Variants in ARHGEF28 observed in about 807,000 individuals in gnomAD.
ARHGEF28 encodes the protein Rho guanine nucleotide exchange factor 28.
A neutral mutation model predicts 206.6 loss-of-function variants in ARHGEF28; 152 were observed. The observed-to-expected ratio is 0.74, with a 90% CI of 0.64 to 0.84. The LOEUF is 0.84. Ranked by LOEUF, ARHGEF28 falls within the 40% of genes least tolerant of loss-of-function variation. The pLI, the probability that ARHGEF28 is intolerant of heterozygous loss-of-function variation, is 0.00. For synonymous variants in ARHGEF28, 763 were observed against 776.4 expected (o/e 0.98, Z 0.29); for missense variants, 2,028 against 2,073.2 (o/e 0.98, Z 0.42).
chr5:73,866,389 C>T (rs1032709842), intron 18 of ARHGEF28, among the ~76,000 whole-genome samples: 2 of 152,134 alleles, frequency 1.3e-5, no homozygotes, highest in Admixed American at 6.5e-5. Context: ...CTAGCAGTAG[C>T]GTAGTATAGC....
chr5:73,903,283 G>C (rs188291163), intron 31 of ARHGEF28: 3 of 152,176 alleles, frequency 2.0e-5, no homozygotes, highest in Non-Finnish European at 4.4e-5. Context: ...CTCCCATAGC[G>C]TAAGGTGTGA....
chr5:73,785,323 G>C (rs1205947171), intron 7 of ARHGEF28, among the ~76,000 whole-genome samples: 1 of 152,028 alleles, frequency 6.6e-6, no homozygotes, highest in Non-Finnish European at 1.5e-5. Context: ...TTTTTTCGCA[G>C]TTCTCAACCT....
At chr5:73,818,061 T>C (rs1244120725) in intron 9 of ARHGEF28, among the ~76,000 whole-genome samples, 1 of 151,796 alleles carries the variant, frequency 6.6e-6, no homozygotes, top group Non-Finnish European at 1.5e-5. Context: ...GAGCACAGGG[T>C]GGTTGGCTTA....
rs554684670 is a variant in ARHGEF28 at position 73,854,335 on chromosome 5, C to T, written c.1790+1643C>T. 3.9e-5 allele frequency among the ~76,000 whole-genome samples: 6 copies of T among 152,244 alleles called. No homozygotes were observed. The South Asian group carries it at 1.2e-3, about 32-fold the overall frequency. On this transcript the variant is annotated intron_variant, in intron 14 of 35. Coordinates refer to ENST00000513042, the MANE Select transcript of ARHGEF28 (RefSeq NM_001177693.2). Reference sequence around the variant, plus strand: ...ATGTAAAAAATGAGCTCACTCTATACCTTGCAGGCTCATTTCAGCAGACAC... The same window carrying T: ...ATGTAAAAAATGAGCTCACTCTATATCTTGCAGGCTCATTTCAGCAGACAC...
At chr5:73,933,933 TC>T (rs66720009) in intron 35 of ARHGEF28, among the ~76,000 whole-genome samples, 2,616 of 141,886 alleles carry the variant, frequency 0.018, 28 homozygotes, top group African/African-American at 0.019. Flanking sequence ...TTTTTTTTTT[TC>T]CCCCTCAGTT....
At chr5:73,905,943 C>A (rs1299387956) in intron 33 of ARHGEF28, among the ~76,000 whole-genome samples, 4 of 152,176 alleles carry the variant, frequency 2.6e-5, no homozygotes, top group Non-Finnish European at 5.9e-5. Flanking sequence ...TGAGACAAAA[C>A]ATTTTTCCCT....
intron 1 of ARHGEF28, among the ~76,000 whole-genome samples, chr5:73,667,288 T>G (rs1746015893): frequency 6.6e-6 from 1 of 152,328 alleles, no homozygotes; most frequent in South Asian, 2.1e-4. Flanking sequence ...TAGAATTTTA[T>G]TTTTAGTTTA....
At chr5:73,865,146 A>G (rs1029420199) in intron 17 of ARHGEF28, among the ~76,000 whole-genome samples, 4 of 152,222 alleles carry the variant, frequency 2.6e-5, no homozygotes, top group African/African-American at 9.6e-5. Flanking sequence ...AGCCCTGGGT[A>G]CCTGCAAATG....
chr5:73,813,907 C>CT (rs1255925050), intron 9 of ARHGEF28, among the ~76,000 whole-genome samples: 2 of 131,244 alleles, frequency 1.5e-5, no homozygotes, highest in South Asian at 5.1e-4. Flanking sequence ...GTGCAATTCT[C>CT]TTTAAAAAAA....
chr5:73,837,697 C>CTCTT (rs370359697), intron 10 of ARHGEF28, among the ~76,000 whole-genome samples: 52 of 150,418 alleles, frequency 3.5e-4, no homozygotes, highest in East Asian at 1.5e-3. Flanking sequence ...TTCTTTCGTT[C>CTCTT]TCTTTCTTTC....
intron 2 of ARHGEF28, among the ~76,000 whole-genome samples, chr5:73,713,126 A>G (rs111342080): frequency 0.019 from 2,847 of 152,268 alleles, 71 homozygotes; most frequent in African/African-American, 0.059. Context: ...GAGGCAGTCA[A>G]TATTCTAATT....
intron 25 of ARHGEF28, among the ~76,000 whole-genome samples, 198 bp downstream of exon 25, chr5:73,886,302 A>C (rs983718863): frequency 3.3e-5 from 5 of 152,250 alleles, no homozygotes; most frequent in Non-Finnish European, 7.3e-5. Flanking sequence ...TTGCTGCCCA[A>C]GCTAAAACCT....
In ARHGEF28 at chr5:73,869,443, A is replaced by G. The variant is rs562448287; in HGVS notation, c.2426-626A>G. The stretch of plus-strand genomic sequence containing the variant: ...GTGTTCCAGATTCTGTAGACACATT[A>G]TGGACTCTGTAGGTTACCAAAAATA... On this transcript the variant is annotated intron_variant, in intron 20 of 35. Coordinates refer to ENST00000513042, the MANE Select transcript of ARHGEF28 (RefSeq NM_001177693.2). Among the ~76,000 whole-genome samples, 15 of 152,320 alleles carry G rather than the reference A, an allele frequency of 9.8e-5. No homozygotes were observed. In the Middle Eastern group the frequency reaches 0.01, roughly 104 times the overall value.
intron 1 of ARHGEF28, among the ~76,000 whole-genome samples, chr5:73,659,168 T>C (rs922309311): frequency 1.3e-5 from 2 of 152,190 alleles, no homozygotes; most frequent in Admixed American, 6.5e-5. Flanking sequence ...TTTAAACTCA[T>C]TACTACTCAC....
chr5:73,891,955 G>A (rs893847639), intron 26 of ARHGEF28, 97 bp from the exon 27 acceptor site: 37 of 1,120,416 alleles, frequency 3.3e-5, no homozygotes, highest in Middle Eastern at 3.0e-4. Flanking sequence ...GTGGAGAAAG[G>A]TTTACCTAGT....
chr5:73,890,960 T>C lies in ARHGEF28; in HGVS notation c.3388-1092T>C, dbSNP rs574596004. Among the ~76,000 whole-genome samples, 3 of 152,348 alleles carry C rather than the reference T, an allele frequency of 2.0e-5. No homozygotes were observed. In the South Asian group the frequency reaches 6.2e-4, roughly 32 times the overall value. On this transcript the variant is annotated intron_variant, in intron 26 of 35. Transcript: ENST00000513042. ...AATCCCCAGTGTTTAGAAAAAGACA[T>C]TGGAGGATCACAGTAGATGTTGGTA...
chr5:73,899,887 T>A (rs143426425), intron 30 of ARHGEF28: 1 of 152,392 alleles, frequency 6.6e-6, no homozygotes, highest in Non-Finnish European at 1.5e-5. Context: ...TTCTTCTGCC[T>A]TGTCATCAGC....
chr5:73,917,995 G>A (rs1048522406), intron 35 of ARHGEF28, among the ~76,000 whole-genome samples: 27 of 152,144 alleles, frequency 1.8e-4, no homozygotes, highest in African/African-American at 6.5e-4. Flanking sequence ...GTAATGATCC[G>A]GCTTCAGCAA....
At chr5:73,856,859 G>A (rs140095179) in intron 14 of ARHGEF28, among the ~76,000 whole-genome samples, 3 of 152,182 alleles carry the variant, frequency 2.0e-5, no homozygotes, top group Non-Finnish European at 2.9e-5. Context: ...ATGATATTTA[G>A]GTTGATTTTT....
Sources: allele counts gnomAD v4.1 joint callset (sites outside exome capture counted in the v4.1 genomes callset), GRCh38; gene constraint gnomAD v4.1.1; transcripts MANE v1.5; gene names NCBI Gene and HGNC (gene_info 2026-07-23, HGNC 2026-07-21).